The following KCNN3 variants were observed in gnomAD, a reference collection of about 807,000 sequenced individuals.
The protein encoded by KCNN3 is small conductance calcium-activated potassium channel protein 3.
Under a neutral mutation model 62.9 loss-of-function variants are expected in KCNN3, and 16 were observed. That is an observed-to-expected ratio of 0.25 (90% CI 0.17 to 0.39). KCNN3 has a LOEUF of 0.39. Among genes scored for constraint, KCNN3 ranks in the 10% least tolerant of loss-of-function variants. KCNN3 has a pLI of 1.00. For missense variants in KCNN3, 599 were observed against 949.4 expected, an observed-to-expected ratio of 0.63 and a Z score of 4.85; for synonymous variants, 370 against 389.2, an observed-to-expected ratio of 0.95 and a Z score of 0.58.
At chr1:154,814,462 C>T (rs1056786921) in intron 2 of KCNN3, among the ~76,000 whole-genome samples, 11 of 152,084 alleles carry the variant, frequency 7.2e-5, no homozygotes, top group South Asian at 4.2e-4. Context: ...AAGTAAGAGC[C>T]GCTGCTATAA....
At chr1:154,780,536 G>C (rs1342065243) in intron 2 of KCNN3, among the ~76,000 whole-genome samples, 1 of 147,460 alleles carries the variant, frequency 6.8e-6, no homozygotes, top group Non-Finnish European at 1.5e-5. Context: ...CAGAAACAAA[G>C]CAAGAAGAAA....
rs912822473 is a variant in KCNN3, at chr1:154,702,012, T to C, written c.*5964A>G. The C allele has an allele frequency of 6.6e-6, 1 of 152,200 alleles. No homozygotes were observed. The highest frequency in any genetic ancestry group is 2.4e-5 in the African/African-American group (1 of 41,448). 9.4% of individuals were successfully genotyped at this position (152,200 alleles called of 1,614,324 possible). ...GAGCCTGAACTTTTATTAAACTGGC[T>C]TTGCAGAGCTACTAAAGGAGTGATG... On this transcript the variant is annotated 3_prime_UTR_variant, in exon 8 of 8. Coordinates refer to ENST00000271915, the MANE Select transcript of KCNN3 (RefSeq NM_002249.6).
intron 2 of KCNN3, among the ~76,000 whole-genome samples, chr1:154,790,422 C>T (rs1263596909): frequency 6.6e-6 from 1 of 152,204 alleles, no homozygotes; most frequent in Admixed American, 6.5e-5. Flanking sequence ...ACCTAGCCTG[C>T]CTTGTGTGCT....
At chr1:154,753,710 G>A (rs925495755) in intron 3 of KCNN3, among the ~76,000 whole-genome samples, 5 of 152,224 alleles carry the variant, frequency 3.3e-5, no homozygotes, top group African/African-American at 9.6e-5. Flanking sequence ...TCATAGGGTC[G>A]TGGTGAAAAA....
intron 5 of KCNN3, among the ~76,000 whole-genome samples, chr1:154,719,618 G>C (rs1260545337): frequency 1.3e-5 from 2 of 152,178 alleles, no homozygotes; most frequent in African/African-American, 4.8e-5. Flanking sequence ...AAATTAGGCT[G>C]AGTGATGATC....
At chr1:154,794,432 A>G (rs1242751236) in intron 2 of KCNN3, among the ~76,000 whole-genome samples, 1 of 152,240 alleles carries the variant, frequency 6.6e-6, no homozygotes, top group Non-Finnish European at 1.5e-5. Flanking sequence ...TTGGCTCTCC[A>G]TGTAAATGAC....
intron 3 of KCNN3, among the ~76,000 whole-genome samples, chr1:154,758,277 G>A (rs980533301): frequency 2.0e-5 from 3 of 152,178 alleles, no homozygotes; most frequent in Non-Finnish European, 2.9e-5. Context: ...GGGTCAAACC[G>A]AGTTTTTCCA....
At chr1:154,839,866 G>A (rs1478951746) in intron 1 of KCNN3, among the ~76,000 whole-genome samples, 1 of 152,212 alleles carries the variant, frequency 6.6e-6, no homozygotes, top group East Asian at 1.9e-4. Context: ...GCTTCTCAGA[G>A]CTGCAAATGG....
chr1:154,723,234 G>T (rs190481178), intron 5 of KCNN3, among the ~76,000 whole-genome samples: 1 of 152,324 alleles, frequency 6.6e-6, no homozygotes, highest in African/African-American at 2.4e-5. Flanking sequence ...ACCTTCAGAA[G>T]TTCTAGTCCT....
intron 1 of KCNN3, among the ~76,000 whole-genome samples, chr1:154,825,153 G>A (rs991577796): frequency 5.3e-5 from 8 of 152,050 alleles, no homozygotes; most frequent in South Asian, 2.1e-4. Flanking sequence ...CAGTGACACC[G>A]GGCTGCCATA....
chr1:154,726,093 C>G lies in KCNN3; in HGVS notation c.1591-67G>C, dbSNP rs1700455971. The G allele has an allele frequency of 3.2e-6, 4 of 1,237,248 alleles. No individual in the cohort carries two copies. In the Admixed American group the frequency reaches 7.5e-5, roughly 23 times the overall value. 76.6% of individuals were successfully genotyped at this position (1,237,248 alleles called of 1,614,324 possible). A position where few individuals can be genotyped will look rare whatever the true frequency, so the allele number is the denominator to read the frequency against. ...TCATTAAGAGGCAAGATGAGAGACT[C>G]AACACGCCTGGCGGCCACGGGGGTA... On this transcript the variant is annotated intron_variant, in intron 4 of 7. Coordinates refer to ENST00000271915, the MANE Select transcript of KCNN3 (RefSeq NM_002249.6).
chr1:154,781,980 G>GA (rs1418062449), intron 2 of KCNN3, among the ~76,000 whole-genome samples: 1 of 152,246 alleles, frequency 6.6e-6, no homozygotes, highest in Non-Finnish European at 1.5e-5. Context: ...GCTCTCTATG[G>GA]AAGGGACCTC....
At chr1:154,766,203 G>A (rs926792858) in intron 3 of KCNN3, among the ~76,000 whole-genome samples, 1 of 151,474 alleles carries the variant, frequency 6.6e-6, no homozygotes, top group Admixed American at 6.6e-5. Context: ...GGGTTCCTGG[G>A]TCTAGCAGGC....
rs1699879894 is a variant in KCNN3 at position 154,702,713 on chromosome 1, A to ATATG, written c.*5262_*5263insCATA. 1.1e-5 allele frequency: 1 copy of ATATG among 94,832 alleles called. No homozygotes were observed. Among genetic ancestry groups the ATATG allele is most frequent in the African/African-American group, 5.5e-5 (1 of 18,140 alleles). 5.9% of individuals were successfully genotyped at this position (94,832 alleles called of 1,614,324 possible). ...CGATCTGATTCAGATATATATATAT[A>ATATG]TATATATATATATATATATATATAT... On this transcript the variant is annotated 3_prime_UTR_variant, in exon 8 of 8. Coordinates refer to ENST00000271915, the MANE Select transcript of KCNN3 (RefSeq NM_002249.6).
chr1:154,739,120 G>A (rs139170258), intron 3 of KCNN3, among the ~76,000 whole-genome samples: 5 of 152,290 alleles, frequency 3.3e-5, no homozygotes, highest in African/African-American at 1.2e-4. Context: ...AAATTAATTA[G>A]CAAAAGAAGG....
intron 3 of KCNN3, among the ~76,000 whole-genome samples, chr1:154,747,979 C>T (rs925380615): frequency 6.6e-6 from 1 of 152,184 alleles, no homozygotes; most frequent in Non-Finnish European, 1.5e-5. Context: ...CTGTGGAGCC[C>T]CTTCTTCCCC....
chr1:154,839,336 C>A (rs1470498861), intron 1 of KCNN3, among the ~76,000 whole-genome samples: 1 of 152,216 alleles, frequency 6.6e-6, no homozygotes, highest in East Asian at 1.9e-4. Flanking sequence ...CAAAGGAGCA[C>A]TGAGCCTCCA....
intron 3 of KCNN3, among the ~76,000 whole-genome samples, chr1:154,753,678 T>C (rs951511364): frequency 6.6e-6 from 1 of 152,166 alleles, no homozygotes; most frequent in Non-Finnish European, 1.5e-5. Context: ...GGACCGTGGG[T>C]TCCCCGTCCT....
intron 1 of KCNN3, 56 bp downstream of exon 1, chr1:154,868,976 C>A (rs1376361536): frequency 6.6e-7 from 1 of 1,503,956 alleles, no homozygotes; most frequent in African/African-American, 1.4e-5. Context: ...CAATCCCTCT[C>A]TTGCTACCTA....
Sources: gnomAD v4.1 joint callset for allele counts (sites outside exome capture counted in the v4.1 genomes callset) on GRCh38, gnomAD v4.1.1 for gene constraint, MANE v1.5 for transcripts, NCBI Gene and HGNC (gene_info 2026-07-23, HGNC 2026-07-21) for gene names.